Variants in BACH2 observed in about 807,000 individuals in gnomAD.
BACH2 encodes transcription regulator protein BACH2.
In BACH2, 5 loss-of-function variants were observed where a neutral mutation model predicts 61.8. The ratio of observed to expected loss-of-function variants is 0.08; its 90% confidence interval spans 0.04 to 0.17. The LOEUF is 0.17. Ranked by LOEUF, BACH2 falls within the 10% of genes least tolerant of loss-of-function variation. BACH2 has a pLI of 1.00. For missense variants in BACH2, 824 were observed against 1,091.1 expected (o/e 0.76, Z 3.45); for synonymous variants, 446 against 440.1 (o/e 1.01, Z -0.17).
chr6:90,031,062 A>G (rs2127787940), intron 5 of BACH2, among the ~76,000 whole-genome samples: 1 of 151,104 alleles, frequency 6.6e-6, no homozygotes. Flanking sequence ...ACGCAAATCA[A>G]TAAACATAAT....
At chr6:90,096,074 A>G (rs1782370766) in intron 4 of BACH2, among the ~76,000 whole-genome samples, 1 of 152,200 alleles carries the variant, frequency 6.6e-6, no homozygotes, top group Admixed American at 6.5e-5. Context: ...CCACTTTCCC[A>G]TGTGCCACCA....
intron 4 of BACH2, among the ~76,000 whole-genome samples, chr6:90,195,740 A>G (rs1306315694): frequency 2.0e-5 from 3 of 152,210 alleles, no homozygotes; most frequent in Admixed American, 2.0e-4. Context: ...CTTTTTCAAC[A>G]GCATGGCTCT....
chr6:90,262,517 C>T (rs1771195031), intron 2 of BACH2, among the ~76,000 whole-genome samples: 1 of 152,150 alleles, frequency 6.6e-6, no homozygotes, highest in Non-Finnish European at 1.5e-5. Context: ...CTAGCACTGA[C>T]ACAGAGTAGG....
At chr6:89,948,106 C>T (rs936959500) in intron 7 of BACH2, among the ~76,000 whole-genome samples, 6 of 152,020 alleles carry the variant, frequency 3.9e-5, no homozygotes, top group Non-Finnish European at 5.9e-5. Context: ...ATATTGGCGG[C>T]GAGGGTGGGG....
chr6:90,244,888 A>C (rs1208557898), intron 3 of BACH2, among the ~76,000 whole-genome samples: 1 of 152,166 alleles, frequency 6.6e-6, no homozygotes, highest in East Asian at 1.9e-4. Flanking sequence ...ACCTAATATA[A>C]ATTATGCTTT....
intron 6 of BACH2, among the ~76,000 whole-genome samples, chr6:89,963,630 G>A (rs917564213): frequency 2.0e-5 from 3 of 152,178 alleles, no homozygotes; most frequent in Admixed American, 6.5e-5. Context: ...TAGTGCAGCT[G>A]CTATGGAAAA....
chr6:90,122,718 G>A (rs1239744497), intron 4 of BACH2, among the ~76,000 whole-genome samples: 1 of 152,188 alleles, frequency 6.6e-6, no homozygotes, highest in East Asian at 1.9e-4. Flanking sequence ...GAAAGTGTTG[G>A]CGAGGCCTGG....
chr6:90,043,873 T>C (rs1779657894), intron 5 of BACH2, among the ~76,000 whole-genome samples: 1 of 152,190 alleles, frequency 6.6e-6, no homozygotes, highest in Admixed American at 6.5e-5. Flanking sequence ...CAAAATTGCT[T>C]ATGTGTCTGT....
chr6:89,966,659 A>G (rs1010040022), intron 6 of BACH2, among the ~76,000 whole-genome samples: 1 of 152,178 alleles, frequency 6.6e-6, no homozygotes, highest in South Asian at 2.1e-4. Context: ...AAGGGAGGAA[A>G]TGAAACGGGA....
At chr6:90,266,669 C>A (rs949851744) in intron 2 of BACH2, among the ~76,000 whole-genome samples, 1 of 152,128 alleles carries the variant, frequency 6.6e-6, no homozygotes, top group African/African-American at 2.4e-5. Context: ...TCACATACTG[C>A]ATGACTCAAT....
chr6:90,268,227 A>C (rs1176029478), intron 2 of BACH2, among the ~76,000 whole-genome samples: 1 of 152,074 alleles, frequency 6.6e-6, no homozygotes, highest in Non-Finnish European at 1.5e-5. Flanking sequence ...ATTTGCCTCA[A>C]ACCCCTGATC....
chr6:90,236,274 T>C (rs1241179201), intron 3 of BACH2, among the ~76,000 whole-genome samples: 1 of 152,242 alleles, frequency 6.6e-6, no homozygotes, highest in South Asian at 2.1e-4. Flanking sequence ...AAATGCTTTT[T>C]AGAGTTTAGT....
At position 90,229,416 on chromosome 6, in the gene BACH2, T is replaced by C. The variant is rs1287854300; in HGVS notation, c.-274-22735A>G. Among the ~76,000 whole-genome samples the C allele has an allele frequency of 2.6e-5, 4 of 150,944 alleles. No individual in the cohort carries two copies. The East Asian group carries it at 7.8e-4, about 29-fold the overall frequency. On this transcript the variant is annotated intron_variant, in intron 3 of 8. Coordinates refer to ENST00000257749, the MANE Select transcript of BACH2 (RefSeq NM_021813.4). Reference sequence around the variant, plus strand: ...CGGAGGTTGCGGCGAGCAGAGATCATGCCACTGCACTCCAACCTGGGCTAC... The same window carrying C: ...CGGAGGTTGCGGCGAGCAGAGATCACGCCACTGCACTCCAACCTGGGCTAC...
At chr6:89,933,943 C>A (rs1379680265) in intron 8 of BACH2, among the ~76,000 whole-genome samples, 1 of 151,984 alleles carries the variant, frequency 6.6e-6, no homozygotes, top group Non-Finnish European at 1.5e-5. Flanking sequence ...CGAGATGGTG[C>A]CACAGCACTC....
chr6:90,193,893 C>T (rs1404072588), intron 4 of BACH2, among the ~76,000 whole-genome samples: 1 of 152,138 alleles, frequency 6.6e-6, no homozygotes, highest in African/African-American at 2.4e-5. Flanking sequence ...ATTAAAAACA[C>T]TTCAAAGAAA....
At chr6:90,295,811 T>G (rs141172959) in intron 1 of BACH2, among the ~76,000 whole-genome samples, 2 of 152,216 alleles carry the variant, frequency 1.3e-5, no homozygotes, top group South Asian at 2.1e-4. Context: ...CTAGGAGAGA[T>G]TCGATCCAGG....
At chr6:90,186,194 A>G (rs1480908071) in intron 4 of BACH2, among the ~76,000 whole-genome samples, 1 of 152,102 alleles carries the variant, frequency 6.6e-6, no homozygotes, top group Non-Finnish European at 1.5e-5. Context: ...CAATTACTGG[A>G]CTCGCCACTG....
At chr6:90,211,948 G>T (rs992699974) in intron 3 of BACH2, among the ~76,000 whole-genome samples, 30 of 152,370 alleles carry the variant, frequency 2.0e-4, no homozygotes, top group Admixed American at 1.7e-3. Context: ...TAGGCAGAGG[G>T]CTGGGGCATG....
intron 4 of BACH2, among the ~76,000 whole-genome samples, chr6:90,165,059 G>A (rs1767561106): frequency 6.6e-6 from 1 of 152,208 alleles, no homozygotes; most frequent in Non-Finnish European, 1.5e-5. Context: ...GGAAGTTCTG[G>A]CCAGGGCAAT....
Sources: gnomAD v4.1 joint callset for allele counts (sites outside exome capture counted in the v4.1 genomes callset) on GRCh38, gnomAD v4.1.1 for gene constraint, MANE v1.5 for transcripts, NCBI Gene and HGNC (gene_info 2026-07-23, HGNC 2026-07-21) for gene names.